ARL13B: variants seen among roughly 807,000 people sequenced by gnomAD.
The protein encoded by ARL13B is ADP-ribosylation factor-like protein 13B.
Under a neutral mutation model 56.1 loss-of-function variants are expected in ARL13B, and 36 were observed. That is an observed-to-expected ratio of 0.64 (90% confidence interval 0.49 to 0.85). The LOEUF (loss-of-function observed/expected upper bound fraction) is 0.85, where lower values mean the gene tolerates loss of function less well. Ranked by LOEUF, ARL13B falls within the 40% of genes least tolerant of loss-of-function variation. ARL13B has a pLI of 0.00. For missense variants in ARL13B, 519 were observed against 507.1 expected, an observed-to-expected ratio of 1.02 and a Z score of -0.23; for synonymous variants, 178 against 171.1, an observed-to-expected ratio of 1.04 and a Z score of -0.32.
intron 8 of ARL13B, among the ~76,000 whole-genome samples, chr3:94,050,271 T>C (rs1675584254): frequency 6.6e-6 from 1 of 152,110 alleles, no homozygotes; most frequent in Non-Finnish European, 1.5e-5. Flanking sequence ...CATACCCATG[T>C]CCTAAGTTGT....
intron 4 of ARL13B, among the ~76,000 whole-genome samples, chr3:94,035,685 C>T (rs577324702): frequency 6.6e-6 from 1 of 152,164 alleles, no homozygotes; most frequent in East Asian, 1.9e-4. Context: ...TGCGTTTTAA[C>T]ATAGCCAACA....
chr3:93,994,907 C>A (rs1267272680), intron 1 of ARL13B, among the ~76,000 whole-genome samples: 2 of 152,002 alleles, frequency 1.3e-5, no homozygotes, highest in Non-Finnish European at 2.9e-5. Flanking sequence ...CTGTTTTCAG[C>A]CCTCCATGGG....
At chr3:94,037,218 A>G (rs549606394) in intron 5 of ARL13B, among the ~76,000 whole-genome samples, 1 of 152,322 alleles carries the variant, frequency 6.6e-6, no homozygotes, top group East Asian at 1.9e-4. Flanking sequence ...CAGGCTTAAT[A>G]TGTCAATAAC....
At chr3:94,033,464 G>T (rs1402383541) in intron 3 of ARL13B, among the ~76,000 whole-genome samples, 3 of 151,966 alleles carry the variant, frequency 2.0e-5, no homozygotes, top group African/African-American at 7.3e-5. Flanking sequence ...GGAAATAAAG[G>T]CAAAGGATCA....
chr3:93,995,856 A>C lies in ARL13B; in HGVS notation c.60-18A>C, dbSNP rs1575942307. 3.1e-6 allele frequency: 5 copies of C among 1,595,516 alleles called. No homozygotes were observed. In the East Asian group the frequency reaches 1.2e-4, roughly 37 times the overall value. ...AAATTAACAAAGAAAGTGATTTTTA[A>C]ATTTCTATTATTTTAAGAAAGGTGA... On this transcript the variant is annotated intron_variant, in intron 1 of 9. Transcript: ENST00000394222.
intron 1 of ARL13B, among the ~76,000 whole-genome samples, chr3:93,986,562 CTTCATGTAGTTT>C (rs1402245694): frequency 2.0e-5 from 3 of 152,002 alleles, no homozygotes; most frequent in African/African-American, 7.3e-5. Context: ...TTAGAATTTG[CTTCATGTAGTTT>C]TAAATACTGT....
chr3:93,996,166 C>T (rs1343670782), intron 2 of ARL13B, among the ~76,000 whole-genome samples: 6 of 152,108 alleles, frequency 3.9e-5, no homozygotes, highest in Non-Finnish European at 5.9e-5. Flanking sequence ...TGCAGAGGCT[C>T]CTTGATGCCT....
intron 1 of ARL13B, among the ~76,000 whole-genome samples, chr3:93,994,564 T>G (rs1482313718): frequency 6.6e-6 from 1 of 152,156 alleles, no homozygotes; most frequent in African/African-American, 2.4e-5. Context: ...TTTATCTGTT[T>G]TTGTTTGTTT....
At chr3:93,995,764 G>T in intron 1 of ARL13B, 110 bp from the exon 2 acceptor site, 1 of 970,138 alleles carries the variant, frequency 1.0e-6, no homozygotes, top group Non-Finnish European at 1.6e-6. Flanking sequence ...AGATTTTCTT[G>T]TGCTTAATAG....
intron 1 of ARL13B, chr3:93,988,895 T>C (rs1710604126): frequency 6.1e-6 from 2 of 329,498 alleles, no homozygotes; most frequent in Non-Finnish European, 1.2e-5. Context: ...GATCTCCTCT[T>C]GGGCTCTTGC....
intron 3 of ARL13B, among the ~76,000 whole-genome samples, chr3:94,029,339 T>TTTA (rs1559997777): frequency 4.6e-4 from 21 of 45,696 alleles, no homozygotes; most frequent in African/African-American, 1.6e-3. Flanking sequence ...TATATATTTA[T>TTTA]TTTTTTTTTA....
At chr3:94,025,052 A>G (rs1426723288) in intron 3 of ARL13B, among the ~76,000 whole-genome samples, 2 of 152,096 alleles carry the variant, frequency 1.3e-5, no homozygotes, top group Non-Finnish European at 2.9e-5. Context: ...GAGAAGGTGC[A>G]TTTTACTGCC....
At chr3:94,006,457 C>T (rs886747239) in intron 3 of ARL13B, among the ~76,000 whole-genome samples, 2 of 152,036 alleles carry the variant, frequency 1.3e-5, no homozygotes, top group Admixed American at 1.3e-4. Context: ...GTCTTACTAT[C>T]GTTTGAATCT....
chr3:93,990,626 T>A (rs1292371262), intron 1 of ARL13B, among the ~76,000 whole-genome samples: 1 of 152,154 alleles, frequency 6.6e-6, no homozygotes, highest in Non-Finnish European at 1.5e-5. Context: ...AGATTCCAGA[T>A]TTTTGGACTA....
intron 1 of ARL13B, among the ~76,000 whole-genome samples, chr3:93,987,958 A>G (rs1157703187): frequency 1.3e-5 from 2 of 152,042 alleles, no homozygotes. Context: ...TTTTTTAAAT[A>G]GTTATTATAG....
chr3:93,998,339 T>G (rs1379027446), intron 2 of ARL13B, among the ~76,000 whole-genome samples: 1 of 152,208 alleles, frequency 6.6e-6, no homozygotes, highest in Non-Finnish European at 1.5e-5. Context: ...TTTCTTTCTC[T>G]TATGTATTCC....
At chr3:94,009,924 C>T (rs2107463577) in intron 3 of ARL13B, among the ~76,000 whole-genome samples, 1 of 152,252 alleles carries the variant, frequency 6.6e-6, no homozygotes, top group South Asian at 2.1e-4. Context: ...TTCCCTATCA[C>T]TTCAATCTAG....
Position 93,980,481 on chromosome 3 carries a change from A to G in ARL13B, c.58A>G (p.Arg20Gly), listed in dbSNP as rs751633091. Residue 20 changes from arginine to glycine, a missense_variant and splice_region_variant, in exon 1 of 10, where the codon AGA becomes GGA. Coordinates refer to ENST00000394222, the MANE Select transcript of ARL13B (RefSeq NM_001174150.2). ...GWFKRWREPVRKVTLLMVGLD... is the reference protein window; with the variant it reads ...GWFKRWREPVGKVTLLMVGLD... ...GTTCAAGCGGTGGCGGGAGCCTGTC[A>G]GGTAGGCTGGAGCCAGCTGTCCTGG... 3 of 1,610,816 alleles carry G rather than the reference A, an allele frequency of 1.9e-6. No homozygotes were observed. The highest frequency in any genetic ancestry group is 1.3e-5 in the African/African-American group (1 of 74,930).
chr3:94,040,134 T>A lies in ARL13B; in HGVS notation c.798+146T>A, dbSNP rs910820111. ...CTATAAGAAATTAAACATGAGAGAC[T>A]GATTAAAGGTTTACTGCTTTTTCTT... is the stretch of plus-strand genomic sequence containing the variant. On this transcript the variant is annotated intron_variant, in intron 6 of 9. Coordinates refer to ENST00000394222, the MANE Select transcript of ARL13B (RefSeq NM_001174150.2). 4.2e-5 allele frequency: 30 copies of A among 712,986 alleles called. No individual in the cohort carries two copies. In the African/African-American group the frequency reaches 5.2e-4, roughly 12 times the overall value. 44.2% of individuals were successfully genotyped at this position (712,986 alleles called of 1,614,324 possible). A position where few individuals can be genotyped will look rare whatever the true frequency, so the allele number is the denominator to read the frequency against.
Sources: gnomAD v4.1 joint callset for allele counts (sites outside exome capture counted in the v4.1 genomes callset) on GRCh38, gnomAD v4.1.1 for gene constraint, MANE v1.5 for transcripts, NCBI Gene and HGNC (gene_info 2026-07-23, HGNC 2026-07-21) for gene names.